The following CR1 variants were observed in gnomAD, a reference collection of about 807,000 sequenced individuals.
CR1 encodes complement receptor type 1.
A neutral mutation model predicts 187.3 loss-of-function variants in CR1; 116 were observed. The observed-to-expected ratio is 0.62, with a 90% CI of 0.53 to 0.72. The LOEUF is 0.72. Ranked by LOEUF, CR1 falls within the 30% of genes least tolerant of loss-of-function variation. The pLI is 0.00. For missense variants in CR1, 1,731 were observed against 2,110.7 expected (o/e 0.82, Z 3.52); for synonymous variants, 576 against 747.1 (o/e 0.77, Z 3.73).
At position 207,511,769 on chromosome 1, in the gene CR1, G is replaced by A. The variant is rs942757410; in HGVS notation, c.487+115G>A. The stretch of plus-strand genomic sequence containing the variant: ...GCAATCTGTCCTTCACACGGCTGAA[G>A]ACTGCGGTAATGTTCTCGAATATTC... On this transcript the variant is annotated intron_variant, in intron 4 of 46. Coordinates refer to ENST00000367049, the MANE Select transcript of CR1 (RefSeq NM_000651.6). The A allele has an allele frequency of 1.9e-5, 19 of 981,154 alleles. No homozygotes were observed. The African/African-American group carries it at 2.4e-4, about 12-fold the overall frequency. The allele number at this position is 981,154 out of a possible 1,614,324, so 60.8% of individuals were successfully genotyped here. A position where few individuals can be genotyped will look rare whatever the true frequency, so the allele number is the denominator to read the frequency against.
At chr1:207,502,310 G>A (rs2025935) in intron 1 of CR1, among the ~76,000 whole-genome samples, 38,849 of 152,018 alleles carry the variant, frequency 0.26, 5,121 homozygotes, top group Middle Eastern at 0.31. Context: ...GCAAAGTGTC[G>A]GACTAGAAAT....
intron 37 of CR1, among the ~76,000 whole-genome samples, chr1:207,610,684 C>T (rs1439407870): frequency 6.6e-6 from 1 of 152,160 alleles, no homozygotes; most frequent in African/African-American, 2.4e-5. Context: ...TGGATGGAGG[C>T]AGCCAACATT....
intron 4 of CR1, among the ~76,000 whole-genome samples, chr1:207,515,028 T>C (rs4433395): frequency 0.21 from 25,210 of 122,956 alleles, 2,472 homozygotes; most frequent in South Asian, 0.45. Context: ...CACACACACA[T>C]ATATACATAT....
At chr1:207,639,157 A>T (rs555998634) in intron 46 of CR1, among the ~76,000 whole-genome samples, 1 of 152,232 alleles carries the variant, frequency 6.6e-6, no homozygotes, top group African/African-American at 2.4e-5. Flanking sequence ...CCTTGTTTAC[A>T]TCTTGGACAT....
chr1:207,525,200 T>A (rs1411144923), intron 5 of CR1, among the ~76,000 whole-genome samples: 1 of 151,852 alleles, frequency 6.6e-6, no homozygotes, highest in Non-Finnish European at 1.5e-5. Context: ...CCCACCAGGC[T>A]CCTTCTCCAA....
At chr1:207,498,877 CAAAA>C (rs56044498) in intron 1 of CR1, among the ~76,000 whole-genome samples, 1 of 50,104 alleles carries the variant, frequency 2.0e-5, no homozygotes, top group Non-Finnish European at 3.6e-5. Flanking sequence ...AACTCCAAAT[CAAAA>C]AAAAAAAAAA....
Position 207,523,686 on chromosome 1 carries a change from G to T in CR1, c.563G>T (p.Gly188Val). 3.7e-6 allele frequency: 6 copies of T among 1,613,694 alleles called. No homozygotes were observed. Among genetic ancestry groups the T allele is most frequent in the Non-Finnish European group, 5.1e-6 (6 of 1,179,886 alleles). The change falls in exon 5 of 47, where the codon GGA becomes GTA. Residue 188 changes from glycine (G) to valine (V), a missense_variant. By Grantham distance (109) the Gly-to-Val change is moderately radical. Transcript: ENST00000367049. ...ISTNRENFHY[G>V]SVVTYRCNPG... ...ACCAACAGAGAGAATTTTCACTATGGATCAGTGGTGACCTACCGCTGCAAT... is the reference window on the plus strand; with the variant it reads ...ACCAACAGAGAGAATTTTCACTATGTATCAGTGGTGACCTACCGCTGCAAT...
chr1:207,617,332 A>G (rs1419753281), intron 41 of CR1, among the ~76,000 whole-genome samples: 1 of 150,760 alleles, frequency 6.6e-6, no homozygotes, highest in African/African-American at 2.4e-5. Flanking sequence ...TTGATCCTTC[A>G]CCTCAACATT....
intron 4 of CR1, among the ~76,000 whole-genome samples, chr1:207,521,548 C>T (rs1659992493): frequency 6.6e-6 from 1 of 150,672 alleles, no homozygotes. Context: ...ATTAATCTCA[C>T]ACAAATTCTT....
At position 207,614,435 on chromosome 1, in the gene CR1, T is replaced by C; in HGVS notation, c.6607T>C (p.Cys2203Arg). The change falls in exon 40 of 47, where the codon TGT becomes CGT. Residue 2203 changes from cysteine (C) to arginine (R), a missense_variant. Transcript: ENST00000367049. ...FRLKGRSASH[C>R]VLAGMKALWN... ...ATTAAAAGGCAGGTCTGCTAGTCAT[T>C]GTGTCTTGGCTGGAATGAAAGCCCT... 6.2e-7 allele frequency: 1 copy of C among 1,611,564 alleles called. No homozygotes were observed. The highest frequency in any genetic ancestry group is 8.5e-7 in the Non-Finnish European group (1 of 1,178,292).
At chr1:207,588,834 C>A in intron 35 of CR1, 60 bp downstream of exon 35, 1 of 1,204,634 alleles carries the variant, frequency 8.3e-7, no homozygotes, top group Non-Finnish European at 1.2e-6. Flanking sequence ...CAACTTCTGA[C>A]CCAGTCTCAG....
chr1:207,506,985 C>T (rs9429783), intron 3 of CR1, 172 bp downstream of exon 3: 12,395 of 559,368 alleles, frequency 0.022, 1,215 homozygotes, highest in African/African-American at 0.21. Flanking sequence ...ATGACAAGAT[C>T]GGGGGAAAAT....
intron 1 of CR1, among the ~76,000 whole-genome samples, chr1:207,501,625 A>G (rs1659272527): frequency 1.3e-5 from 2 of 152,206 alleles, no homozygotes; most frequent in African/African-American, 2.4e-5. Flanking sequence ...TTCATATACT[A>G]CTATGCAGGT....
At chr1:207,506,306 G>A (rs942960306) in intron 2 of CR1, among the ~76,000 whole-genome samples, 1 of 152,210 alleles carries the variant, frequency 6.6e-6, no homozygotes, top group African/African-American at 2.4e-5. Context: ...GGACATGATT[G>A]AGGGAAAATC....
intron 41 of CR1, among the ~76,000 whole-genome samples, chr1:207,617,575 GTGTATATATATATATATATATATA>G (rs1488226114): frequency 4.0e-4 from 18 of 44,664 alleles, no homozygotes; most frequent in Non-Finnish European, 5.5e-4. Flanking sequence ...ATATGTGTGT[GTGTATATATATATATATATATATA>G]TATATATATA....
chr1:207,633,801 A>G (rs1662724531), intron 46 of CR1, among the ~76,000 whole-genome samples: 1 of 152,208 alleles, frequency 6.6e-6, no homozygotes, highest in African/African-American at 2.4e-5. Flanking sequence ...TGTGAGCAAC[A>G]TGGCTGTTTA....
rs375298677 is a variant in CR1 at position 207,581,968 on chromosome 1, G to C, written c.5267G>C (p.Arg1756Thr). The change falls in exon 32 of 47, where the codon AGA (arginine) becomes ACA (threonine). Residue 1756 changes from arginine to threonine, a missense_variant. Around this residue, in one of 5 missense-constraint regions of CR1, gnomAD observed 1,312 missense variants for 1,379.6 expected, o/e 0.95. Transcript: ENST00000367049. ...SVSHCVLVGM[R>T]SLWNNSVPVC... ...AGTCATTGTGTCTTGGTTGGAATGA[G>C]AAGCCTTTGGAATAACAGTGTTCCT... 6.2e-6 allele frequency: 10 copies of C among 1,613,118 alleles called. No individual in the cohort carries two copies. Among genetic ancestry groups the C allele is most frequent in the Non-Finnish European group, 8.5e-6 (10 of 1,179,408 alleles).
chr1:207,607,369 C>A (rs1361745869), intron 36 of CR1, 33 bp downstream of exon 36: 1 of 1,495,890 alleles, frequency 6.7e-7, no homozygotes, highest in Non-Finnish European at 9.3e-7. Flanking sequence ...ACAAATTCCT[C>A]TGTGTGATCC....
At chr1:207,579,982 A>G (rs542243896) in intron 29 of CR1, among the ~76,000 whole-genome samples, 1 of 152,328 alleles carries the variant, frequency 6.6e-6, no homozygotes, top group Non-Finnish European at 1.5e-5. Context: ...TCATTACCTG[A>G]ATAACAATGG....
Sources: allele counts gnomAD v4.1 joint callset (sites outside exome capture counted in the v4.1 genomes callset), GRCh38; gene constraint gnomAD v4.1.1; regional missense constraint gnomAD v4.1.1; transcripts MANE v1.5; gene names NCBI Gene and HGNC (gene_info 2026-07-23, HGNC 2026-07-21).